The following MYO3A variants were observed in gnomAD, a reference collection of about 807,000 sequenced individuals.
MYO3A encodes the protein myosin IIIA, also known as myosin-IIIa.
MYO3A carries 180 observed loss-of-function variants against 192.7 expected under a neutral mutation model. That is an observed-to-expected ratio of 0.93 (90% CI 0.83 to 1.06). MYO3A has a LOEUF of 1.06. MYO3A is among the 50% of genes least tolerant of loss of function. The pLI is 0.00. For synonymous variants in MYO3A, 628 were observed against 645.3 expected, an observed-to-expected ratio of 0.97 and a Z score of 0.41; for missense variants, 1,896 against 1,905.0, an observed-to-expected ratio of 1.00 and a Z score of 0.09.
chr10:26,069,746 A>G (rs1835079067), intron 12 of MYO3A, among the ~76,000 whole-genome samples: 1 of 152,060 alleles, frequency 6.6e-6, no homozygotes, highest in African/African-American at 2.4e-5. Context: ...AGACATTATT[A>G]TGTCCAAGGA....
chr10:26,191,741 C>T (rs1057053348), intron 31 of MYO3A, among the ~76,000 whole-genome samples: 2 of 152,188 alleles, frequency 1.3e-5, no homozygotes, highest in Non-Finnish European at 2.9e-5. Flanking sequence ...GAAGGTTAGA[C>T]GTCTATGAGT....
rs764099857 is a variant in MYO3A at position 26,157,488 on chromosome 10, G to A, written c.2972G>A (p.Arg991Gln). 33 of 1,613,864 alleles carry A rather than the reference G, an allele frequency of 2.0e-5. 1 individual carries two copies. Among genetic ancestry groups the A allele is most frequent in the South Asian group, 1.4e-4 (13 of 91,082 alleles). Reference sequence around the variant, plus strand: ...ATTCGAAGACTAGGATTCTCCCATCGGATACTTTTTGCTAACTTTATAAAG... The same window carrying A: ...ATTCGAAGACTAGGATTCTCCCATCAGATACTTTTTGCTAACTTTATAAAG... ...ARIRRLGFSH[R>Q]ILFANFIKRY... is the part of the protein sequence containing the mutation. Residue 991 changes from arginine (R) to glutamine (Q), a missense_variant, in exon 26 of 35, where the codon CGG becomes CAG. Coordinates refer to ENST00000642920, the MANE Select transcript of MYO3A (RefSeq NM_017433.5).
intron 26 of MYO3A, among the ~76,000 whole-genome samples, chr10:26,164,731 G>A (rs1363297571): frequency 6.6e-6 from 1 of 152,146 alleles, no homozygotes; most frequent in South Asian, 2.1e-4. Flanking sequence ...GATGATTGGC[G>A]GGTCCAGGCA....
At chr10:26,042,946 T>C (rs1043080081) in intron 10 of MYO3A, among the ~76,000 whole-genome samples, 1 of 152,210 alleles carries the variant, frequency 6.6e-6, no homozygotes, top group African/African-American at 2.4e-5. Context: ...TGTTTGTGCC[T>C]ATCTTTCTTG....
At chr10:26,146,770 A>G (rs529785068) in intron 22 of MYO3A, among the ~76,000 whole-genome samples, 38 of 152,268 alleles carry the variant, frequency 2.5e-4, no homozygotes, top group African/African-American at 8.4e-4. Context: ...AACAAATACT[A>G]TATTGGATCA....
chr10:26,009,230 G>T (rs903543421), intron 6 of MYO3A, among the ~76,000 whole-genome samples: 1 of 150,140 alleles, frequency 6.7e-6, no homozygotes, highest in Non-Finnish European at 1.5e-5. Flanking sequence ...ACTGTTGTGG[G>T]GTTGGGGGAG....
chr10:25,979,604 T>G (rs1839188441), intron 4 of MYO3A, among the ~76,000 whole-genome samples: 1 of 152,190 alleles, frequency 6.6e-6, no homozygotes, highest in Non-Finnish European at 1.5e-5. Context: ...AAACCTTTTA[T>G]TTTTTCCATT....
chr10:26,144,252 T>A (rs541496090), intron 21 of MYO3A, among the ~76,000 whole-genome samples: 1 of 151,400 alleles, frequency 6.6e-6, no homozygotes, highest in African/African-American at 2.4e-5. Flanking sequence ...GAAAAAAAAA[T>A]GTTTTTAAAC....
At chr10:26,096,297 G>A (rs533118209) in intron 15 of MYO3A, 84 bp from the exon 16 acceptor site, 63 of 1,031,238 alleles carry the variant, frequency 6.1e-5, no homozygotes, top group Admixed American at 5.8e-4. Flanking sequence ...ACTCACAGTC[G>A]TTGTTCAAAT....
intron 32 of MYO3A, among the ~76,000 whole-genome samples, chr10:26,195,485 C>T (rs193007374): frequency 3.9e-5 from 6 of 152,262 alleles, no homozygotes; most frequent in Admixed American, 3.3e-4. Context: ...TTATACTATC[C>T]TCCCATTGAT....
intron 31 of MYO3A, among the ~76,000 whole-genome samples, chr10:26,188,575 G>A (rs112805124): frequency 5.1e-4 from 78 of 151,910 alleles, no homozygotes; most frequent in Non-Finnish European, 9.1e-4. Context: ...CCCATGTAAG[G>A]AATGGTATTG....
At chr10:26,090,349 A>G (rs954689095) in intron 15 of MYO3A, among the ~76,000 whole-genome samples, 2 of 152,210 alleles carry the variant, frequency 1.3e-5, no homozygotes, top group African/African-American at 4.8e-5. Flanking sequence ...AATATCATTA[A>G]TGCTTACTGA....
intron 18 of MYO3A, among the ~76,000 whole-genome samples, chr10:26,121,769 A>C (rs1015127236): frequency 2.6e-5 from 4 of 152,090 alleles, no homozygotes; most frequent in Non-Finnish European, 5.9e-5. Context: ...CACACACACA[A>C]AATGGAGAAT....
At chr10:26,074,267 AAAC>A (rs1261623315) in intron 14 of MYO3A, among the ~76,000 whole-genome samples, 3 of 152,158 alleles carry the variant, frequency 2.0e-5, no homozygotes, top group African/African-American at 7.2e-5. Flanking sequence ...GCATAGTTCA[AAAC>A]AACTACTTAA....
intron 15 of MYO3A, among the ~76,000 whole-genome samples, chr10:26,089,009 T>C (rs993033573): frequency 2.6e-5 from 4 of 152,228 alleles, no homozygotes; most frequent in Non-Finnish European, 5.9e-5. Flanking sequence ...AAGAGGAAAC[T>C]ATCGTTACAC....
At chr10:26,155,056 G>A (rs538874826) in intron 25 of MYO3A, among the ~76,000 whole-genome samples, 2 of 152,286 alleles carry the variant, frequency 1.3e-5, no homozygotes, top group East Asian at 1.9e-4. Flanking sequence ...TCTATACCTT[G>A]ATTAAAATTT....
At chr10:25,959,093 A>G (rs1162351093) in intron 4 of MYO3A, among the ~76,000 whole-genome samples, 6 of 152,118 alleles carry the variant, frequency 3.9e-5, no homozygotes, top group Non-Finnish European at 8.8e-5. Context: ...TTCTAGATAT[A>G]GAATCATGTC....
chr10:26,193,418 C>T, intron 32 of MYO3A, 107 bp downstream of exon 32: 1 of 897,898 alleles, frequency 1.1e-6, no homozygotes, highest in Non-Finnish European at 1.8e-6. Flanking sequence ...CCTGGCAGGA[C>T]AGAGATGCGC....
chr10:26,105,034 A>T (rs1381102540), intron 17 of MYO3A, among the ~76,000 whole-genome samples: 1 of 152,118 alleles, frequency 6.6e-6, no homozygotes, highest in East Asian at 1.9e-4. Context: ...AAATCACCAA[A>T]TATATCACTG....
Sources: gnomAD v4.1 joint callset for allele counts (sites outside exome capture counted in the v4.1 genomes callset) on GRCh38, gnomAD v4.1.1 for gene constraint, MANE v1.5 for transcripts, NCBI Gene and HGNC (gene_info 2026-07-23, HGNC 2026-07-21) for gene names.